The following ANKRD44 variants were observed in gnomAD, a reference collection of about 807,000 sequenced individuals.
ANKRD44 encodes the protein ankyrin repeat domain 44.
Under a neutral mutation model 116.0 loss-of-function variants are expected in ANKRD44, and 35 were observed. That is an observed-to-expected ratio of 0.30 (90% CI 0.23 to 0.40). The LOEUF (loss-of-function observed/expected upper bound fraction) is 0.40, where lower values mean the gene tolerates loss of function less well. Ranked by LOEUF, ANKRD44 falls within the 10% of genes least tolerant of loss-of-function variation. The probability of loss-of-function intolerance (pLI) is 1.00; values close to 1 mark genes in which losing one functional copy is unlikely to be tolerated. For synonymous variants in ANKRD44, 435 were observed against 461.8 expected (o/e 0.94, Z 0.74); for missense variants, 1,014 against 1,242.6 (o/e 0.82, Z 2.77).
At chr2:197,270,558 C>T (rs2082869266) in intron 1 of ANKRD44, among the ~76,000 whole-genome samples, 1 of 152,068 alleles carries the variant, frequency 6.6e-6, no homozygotes, top group Non-Finnish European at 1.5e-5. Context: ...GGTGGAATTT[C>T]TAAGAAGTAA....
At chr2:197,178,561 GATAA>G (rs1424610554) in intron 2 of ANKRD44, among the ~76,000 whole-genome samples, 2 of 152,048 alleles carry the variant, frequency 1.3e-5, no homozygotes, top group Non-Finnish European at 2.9e-5. Context: ...TTGAGAAAAA[GATAA>G]ATAACCAAAT....
intron 2 of ANKRD44, among the ~76,000 whole-genome samples, chr2:197,173,340 C>T (rs2080287354): frequency 6.6e-6 from 1 of 152,160 alleles, no homozygotes; most frequent in South Asian, 2.1e-4. Context: ...CTAAATAAAA[C>T]TTTGTCCTCT....
chr2:197,264,049 G>C (rs1291126510), intron 1 of ANKRD44, among the ~76,000 whole-genome samples: 1 of 152,174 alleles, frequency 6.6e-6, no homozygotes, highest in Non-Finnish European at 1.5e-5. Flanking sequence ...GAGCCTAGGA[G>C]CTTGAGACCA....
chr2:197,080,547 T>C (rs1017105563), intron 15 of ANKRD44, among the ~76,000 whole-genome samples: 3 of 152,196 alleles, frequency 2.0e-5, no homozygotes, highest in Non-Finnish European at 4.4e-5. Context: ...AAAGGAAGCG[T>C]TTGCTGCAGT....
chr2:197,157,653 G>A (rs1316721547), intron 2 of ANKRD44, among the ~76,000 whole-genome samples: 2 of 145,266 alleles, frequency 1.4e-5, no homozygotes, highest in Non-Finnish European at 3.0e-5. Context: ...ACTCCAGCCT[G>A]GCCGACAGAG....
In ANKRD44 at chr2:197,005,913, G is replaced by C; in HGVS notation, c.2131-3C>G. On this transcript the variant is annotated splice_region_variant and splice_polypyrimidine_tract_variant and intron_variant, in intron 20 of 27. Transcript: ENST00000282272. ...CATTCCTCGTGTCCTGTCATAATCT[G>C]ATGCATTGTAATTAAAAACACAAAA... The C allele has an allele frequency of 6.2e-7, 1 of 1,613,800 alleles. No individual in the cohort carries two copies. Among genetic ancestry groups the C allele is most frequent in the Non-Finnish European group, 8.5e-7 (1 of 1,179,738 alleles).
chr2:196,989,879 G>T (rs1034793982), intron 27 of ANKRD44: 10 of 1,192,794 alleles, frequency 8.4e-6, no homozygotes, highest in Non-Finnish European at 1.0e-5. Flanking sequence ...TTAGTATTTT[G>T]ATTTAAGAAT....
At chr2:197,039,322 G>A (rs1430159743) in intron 16 of ANKRD44, among the ~76,000 whole-genome samples, 1 of 152,204 alleles carries the variant, frequency 6.6e-6, no homozygotes, top group African/African-American at 2.4e-5. Context: ...GATACAAAGT[G>A]AATGCCCTGG....
At chr2:197,308,143 T>G (rs1188909563) in intron 1 of ANKRD44, among the ~76,000 whole-genome samples, 4 of 137,670 alleles carry the variant, frequency 2.9e-5, no homozygotes, top group African/African-American at 1.1e-4. Context: ...CGAGTCAGAG[T>G]GAGACCCTGA....
intron 16 of ANKRD44, among the ~76,000 whole-genome samples, chr2:197,050,048 C>T (rs1191854662): frequency 6.6e-6 from 1 of 152,236 alleles, no homozygotes; most frequent in African/African-American, 2.4e-5. Flanking sequence ...AAGCATGAGG[C>T]TGGCATCTGC....
intron 25 of ANKRD44, among the ~76,000 whole-genome samples, chr2:196,996,722 G>A (rs568821207): frequency 2.0e-5 from 3 of 152,096 alleles, no homozygotes; most frequent in Non-Finnish European, 4.4e-5. Context: ...AGCCAGCATG[G>A]TGAAACTCCA....
chr2:196,968,621 C>T (rs1559387243), intron 21 of ANKRD44, among the ~76,000 whole-genome samples: 1 of 152,182 alleles, frequency 6.6e-6, no homozygotes, highest in African/African-American at 2.4e-5. Context: ...AAGACACATT[C>T]TGAAGAATTT....
intron 9 of ANKRD44, among the ~76,000 whole-genome samples, chr2:197,105,143 C>T (rs144817542): frequency 0.017 from 2,544 of 151,968 alleles, 31 homozygotes; most frequent in Middle Eastern, 0.041. Flanking sequence ...GATGGACTCT[C>T]GCTTTTGTTG....
chr2:197,193,361 C>T (rs1365961080), intron 1 of ANKRD44, among the ~76,000 whole-genome samples: 3 of 152,106 alleles, frequency 2.0e-5, no homozygotes, highest in Non-Finnish European at 2.9e-5. Context: ...AAAAGTTGGG[C>T]CAAAGGAAGT....
intron 2 of ANKRD44, among the ~76,000 whole-genome samples, chr2:197,174,114 T>C (rs550083009): frequency 1.3e-5 from 2 of 152,322 alleles, no homozygotes; most frequent in Non-Finnish European, 2.9e-5. Context: ...TGAAAATTCT[T>C]ACATGGTTCT....
At chr2:197,159,768 GTAT>G (rs1463665464) in intron 2 of ANKRD44, among the ~76,000 whole-genome samples, 1 of 152,206 alleles carries the variant, frequency 6.6e-6, no homozygotes, top group Non-Finnish European at 1.5e-5. Flanking sequence ...GATCAAGTAT[GTAT>G]TATTGTCCTC....
intron 4 of ANKRD44, among the ~76,000 whole-genome samples, chr2:197,133,264 G>A (rs2079134397): frequency 6.6e-6 from 1 of 152,174 alleles, no homozygotes; most frequent in South Asian, 2.1e-4. Flanking sequence ...GATGTTGGAG[G>A]CAGTGTTAGA....
chr2:197,078,889 T>A (rs1165063160), intron 15 of ANKRD44, 75 bp from the exon 16 acceptor site: 2 of 1,460,360 alleles, frequency 1.4e-6, no homozygotes, highest in East Asian at 4.8e-5. Context: ...TAAATCCTCC[T>A]ATTACGAACG....
chr2:197,147,013 T>G lies in ANKRD44; in HGVS notation c.190+14A>C, dbSNP rs151267570. ...TTTATTTGCAATTGACTTTTGAGTA[T>G]AGCAGTTATTTACCTGACAAAATCA... On this transcript the variant is annotated intron_variant, in intron 3 of 27. Coordinates refer to ENST00000282272, the MANE Select transcript of ANKRD44 (RefSeq NM_001195144.2). The G allele has an allele frequency of 1.9e-6, 3 of 1,611,546 alleles. No individual in the cohort carries two copies. The highest frequency in any genetic ancestry group is 1.7e-6 in the Non-Finnish European group (2 of 1,177,846).
Sources: gnomAD v4.1 joint callset for allele counts (sites outside exome capture counted in the v4.1 genomes callset) on GRCh38, gnomAD v4.1.1 for gene constraint, MANE v1.5 for transcripts, NCBI Gene and HGNC (gene_info 2026-07-23, HGNC 2026-07-21) for gene names.